Variants in PDLIM5 observed in about 807,000 individuals in gnomAD.
PDLIM5 encodes the protein PDZ and LIM domain 5.
PDLIM5 carries 34 observed loss-of-function variants against 64.2 expected under a neutral mutation model. The ratio of observed to expected loss-of-function variants is 0.53; its 90% CI spans 0.40 to 0.71. The LOEUF (loss-of-function observed/expected upper bound fraction) is 0.71. Among genes scored for constraint, PDLIM5 ranks in the 30% least tolerant of loss-of-function variants. PDLIM5 has a pLI of 0.00. For missense variants in PDLIM5, 683 were observed against 733.6 expected, an observed-to-expected ratio of 0.93 and a Z score of 0.80; for synonymous variants, 253 against 269.1, an observed-to-expected ratio of 0.94 and a Z score of 0.59.
chr4:94,582,353 A>G (rs1417233168), intron 5 of PDLIM5, among the ~76,000 whole-genome samples: 2 of 152,192 alleles, frequency 1.3e-5, no homozygotes, highest in African/African-American at 2.4e-5. Flanking sequence ...AATGATTTTT[A>G]TAAAACCTTG....
At chr4:94,640,505 T>C (rs1394936814) in intron 9 of PDLIM5, 55 bp downstream of exon 9, 1 of 1,128,220 alleles carries the variant, frequency 8.9e-7, no homozygotes, top group South Asian at 1.6e-5. Flanking sequence ...GTTGGGTTTT[T>C]TTTTTTTTTT....
chr4:94,532,308 G>C (rs1730949649), intron 3 of PDLIM5, among the ~76,000 whole-genome samples: 1 of 152,116 alleles, frequency 6.6e-6, no homozygotes, highest in South Asian at 2.1e-4. Flanking sequence ...ACGTAGAAAT[G>C]AAAACTTTAG....
At position 94,640,444 on chromosome 4, in the gene PDLIM5, T is replaced by TC; in HGVS notation, c.1278dup (p.Ile427HisfsTer42). The stretch of plus-strand genomic sequence containing the variant: ...CCGATGTGCGCCCATTGTAACCAGG[T>TC]CATCAGGTTGGTTGTTTTTTGAAAT... On this transcript the variant is annotated frameshift_variant, in exon 9 of 13. Transcript: ENST00000317968. LOFTEE classifies it high-confidence loss of function. 1 of 1,573,824 alleles carries TC rather than the reference T, an allele frequency of 6.4e-7. No individual in the cohort carries two copies. Among genetic ancestry groups the TC allele is most frequent in the Non-Finnish European group, 8.6e-7 (1 of 1,161,354 alleles).
At chr4:94,452,966 GA>G (rs1303266347) in intron 1 of PDLIM5, among the ~76,000 whole-genome samples, 1 of 152,158 alleles carries the variant, frequency 6.6e-6, no homozygotes, top group Non-Finnish European at 1.5e-5. Context: ...CGGGGAAAGA[GA>G]ATCTCAAGAT....
intron 7 of PDLIM5, among the ~76,000 whole-genome samples, chr4:94,596,711 G>T (rs890357930): frequency 1.3e-5 from 2 of 151,886 alleles, no homozygotes; most frequent in African/African-American, 4.8e-5. Context: ...TTTATATTAT[G>T]TGAAGGTTTG....
At chr4:94,566,181 C>T (rs184573156) in intron 3 of PDLIM5, among the ~76,000 whole-genome samples, 23 of 152,268 alleles carry the variant, frequency 1.5e-4, no homozygotes, top group African/African-American at 3.8e-4. Flanking sequence ...GGTTCTAATC[C>T]GGCTTCTGCC....
chr4:94,586,100 G>A (rs934049618), intron 6 of PDLIM5, among the ~76,000 whole-genome samples: 81 of 152,094 alleles, frequency 5.3e-4, no homozygotes, highest in African/African-American at 1.9e-3. Context: ...AACCGGGGAG[G>A]CAGAGATTGC....
chr4:94,574,150 A>G (rs575770227), intron 4 of PDLIM5, among the ~76,000 whole-genome samples: 1 of 152,320 alleles, frequency 6.6e-6, no homozygotes, highest in African/African-American at 2.4e-5. Flanking sequence ...ACCTGTATTG[A>G]TTCGTGTGGG....
intron 2 of PDLIM5, among the ~76,000 whole-genome samples, chr4:94,492,820 G>A (rs1726992567): frequency 1.3e-5 from 2 of 152,130 alleles, no homozygotes; most frequent in African/African-American, 4.8e-5. Context: ...TGTGAATCCT[G>A]CTGCTGTGAA....
chr4:94,481,605 T>C (rs1578227714), intron 2 of PDLIM5, among the ~76,000 whole-genome samples: 4 of 151,804 alleles, frequency 2.6e-5, no homozygotes, highest in Admixed American at 2.6e-4. Flanking sequence ...TGTTTTGTTT[T>C]ATTTTATTTC....
intron 2 of PDLIM5, among the ~76,000 whole-genome samples, chr4:94,473,512 G>A (rs1725059998): frequency 6.6e-6 from 1 of 152,136 alleles, no homozygotes. Flanking sequence ...CACCCGCCTT[G>A]GCCTCCCACA....
intron 7 of PDLIM5, among the ~76,000 whole-genome samples, chr4:94,616,129 G>T (rs1738766191): frequency 6.6e-6 from 1 of 152,050 alleles, no homozygotes. Flanking sequence ...ATAATTCCTA[G>T]CATTGCTTGG....
chr4:94,662,107 C>T (rs1310657712), intron 11 of PDLIM5, among the ~76,000 whole-genome samples: 2 of 152,232 alleles, frequency 1.3e-5, no homozygotes, highest in South Asian at 2.1e-4. Flanking sequence ...GCATGAGCAA[C>T]CGCGCCCGGC....
At chr4:94,580,897 A>G (rs192445102) in intron 5 of PDLIM5, among the ~76,000 whole-genome samples, 18 of 152,276 alleles carry the variant, frequency 1.2e-4, no homozygotes, top group Admixed American at 4.6e-4. Context: ...AATTGAAGCT[A>G]TGTGAATCAA....
At chr4:94,482,806 T>C in intron 2 of PDLIM5, among the ~76,000 whole-genome samples, 1 of 152,122 alleles carries the variant, frequency 6.6e-6, no homozygotes, top group East Asian at 1.9e-4. Context: ...GGAGAATCAC[T>C]TGGGCCCAGG....
At chr4:94,512,231 G>A (rs985288280) in intron 2 of PDLIM5, among the ~76,000 whole-genome samples, 4 of 152,010 alleles carry the variant, frequency 2.6e-5, no homozygotes, top group East Asian at 1.9e-4. Flanking sequence ...ATGTTGGCCC[G>A]GATGGTCTCA....
At chr4:94,554,561 T>C (rs1733095333) in intron 3 of PDLIM5, among the ~76,000 whole-genome samples, 1 of 152,130 alleles carries the variant, frequency 6.6e-6, no homozygotes. Context: ...AAGAGAGAAA[T>C]GGTACCTGCT....
chr4:94,484,460 CTA>C (rs1726138141), intron 2 of PDLIM5, among the ~76,000 whole-genome samples: 1 of 152,160 alleles, frequency 6.6e-6, no homozygotes, highest in Non-Finnish European at 1.5e-5. Flanking sequence ...CTATATATAA[CTA>C]TGTAACATAT....
rs187936785 is a variant in PDLIM5, at chr4:94,589,526, T to A, written c.920+3082T>A. Among the ~76,000 whole-genome samples the A allele has an allele frequency of 2.4e-3, 368 of 152,292 alleles. 1 individual carries two copies. Among genetic ancestry groups the A allele is most frequent in the Non-Finnish European group, 3.2e-3 (217 of 68,026 alleles). ...GAGTTCAGTGAATCTCCTGGGACAT[T>A]TTATATTCCTAGCTTAAATGCTAGC... On this transcript the variant is annotated intron_variant, in intron 7 of 12. Transcript: ENST00000317968.
Sources: gnomAD v4.1 joint callset for allele counts (sites outside exome capture counted in the v4.1 genomes callset) on GRCh38, gnomAD v4.1.1 for gene constraint, MANE v1.5 for transcripts, NCBI Gene and HGNC (gene_info 2026-07-23, HGNC 2026-07-21) for gene names.